The following GRM8 variants were observed in gnomAD, a reference collection of about 807,000 sequenced individuals.
GRM8 encodes the protein metabotropic glutamate receptor 8.
Under a neutral mutation model 87.2 loss-of-function variants are expected in GRM8, and 47 were observed. The ratio of observed to expected loss-of-function variants is 0.54; its 90% CI spans 0.43 to 0.69. The LOEUF is 0.69. GRM8 is among the 30% of genes least tolerant of loss of function. GRM8 has a pLI of 0.00. For missense variants in GRM8, 1,019 were observed against 1,139.2 expected, an observed-to-expected ratio of 0.89 and a Z score of 1.52; for synonymous variants, 396 against 404.5, an observed-to-expected ratio of 0.98 and a Z score of 0.25.
intron 6 of GRM8, among the ~76,000 whole-genome samples, chr7:126,854,825 A>G (rs1289947109): frequency 6.6e-6 from 1 of 152,200 alleles, no homozygotes; most frequent in Non-Finnish European, 1.5e-5. Flanking sequence ...CTATTTTTGC[A>G]TTATCCATAG....
At chr7:127,227,288 G>C (rs937204408) in intron 2 of GRM8, among the ~76,000 whole-genome samples, 4 of 152,178 alleles carry the variant, frequency 2.6e-5, no homozygotes, top group Non-Finnish European at 4.4e-5. Context: ...CCAAGGTACA[G>C]GAGACATGGT....
intron 7 of GRM8, among the ~76,000 whole-genome samples, chr7:126,736,853 TAC>T (rs1814287147): frequency 6.6e-6 from 1 of 152,046 alleles, no homozygotes; most frequent in Admixed American, 6.6e-5. Flanking sequence ...TTCAATAAAA[TAC>T]AGTCTTTCTC....
At chr7:126,595,277 G>T (rs978660203) in intron 8 of GRM8, among the ~76,000 whole-genome samples, 16 of 151,798 alleles carry the variant, frequency 1.1e-4, no homozygotes, top group African/African-American at 3.9e-4. Flanking sequence ...TGTTACCCAG[G>T]TTAGAGTGCA....
chr7:127,104,952 A>C (rs1238572914), intron 3 of GRM8, among the ~76,000 whole-genome samples: 4 of 152,212 alleles, frequency 2.6e-5, no homozygotes, highest in Non-Finnish European at 5.9e-5. Context: ...TTTTTATAGT[A>C]ATCTATCTCA....
At chr7:126,593,204 A>G (rs1024144808) in intron 8 of GRM8, among the ~76,000 whole-genome samples, 1 of 152,058 alleles carries the variant, frequency 6.6e-6, no homozygotes, top group Non-Finnish European at 1.5e-5. Context: ...CTACAATTCA[A>G]TGCAATCCCT....
At position 127,141,592 on chromosome 7, in the gene GRM8, T is replaced by C. The variant is rs952671606; in HGVS notation, c.511-34880A>G. Among the ~76,000 whole-genome samples the C allele has an allele frequency of 2.2e-4, 34 of 152,294 alleles. 1 individual carries two copies. The highest frequency in any genetic ancestry group is 7.9e-4 in the African/African-American group (33 of 41,558). On this transcript the variant is annotated intron_variant, in intron 2 of 10. Transcript: ENST00000339582. Reference sequence around the variant, plus strand: ...TTGTCACACCTATCAAAACACTTAATTGCATCAATTTCTCTACCTCATCTC... The same window carrying C: ...TTGTCACACCTATCAAAACACTTAACTGCATCAATTTCTCTACCTCATCTC...
chr7:126,640,919 G>A (rs2151202190), intron 7 of GRM8, among the ~76,000 whole-genome samples: 1 of 151,932 alleles, frequency 6.6e-6, no homozygotes, highest in South Asian at 2.1e-4. Flanking sequence ...ATACTGCTCG[G>A]TAATATGTCA....
chr7:127,211,748 G>T (rs1247078522), intron 2 of GRM8, among the ~76,000 whole-genome samples: 1 of 152,200 alleles, frequency 6.6e-6, no homozygotes, highest in Admixed American at 6.5e-5. Flanking sequence ...GACACCATCT[G>T]TGGAGCAGAG....
intron 2 of GRM8, among the ~76,000 whole-genome samples, chr7:127,192,493 G>A (rs138691606): frequency 1.3e-5 from 2 of 152,324 alleles, no homozygotes; most frequent in African/African-American, 4.8e-5. Flanking sequence ...GCTCCTGTGT[G>A]TTAATTTATG....
Position 126,445,624 on chromosome 7 carries a change from G to A in GRM8, c.2677+502C>T, listed in dbSNP as rs926729946. 2.5e-4 allele frequency among the ~76,000 whole-genome samples: 38 copies of A among 152,000 alleles called. 1 individual carries two copies. The highest frequency in any genetic ancestry group is 8.9e-4 in the African/African-American group (37 of 41,418). ...AGCCCAAGGAAAGGGGACCACGTGGGAGAAACAAGTATTAACTGTGACTTA... is the reference window on the plus strand; with the variant it reads ...AGCCCAAGGAAAGGGGACCACGTGGAAGAAACAAGTATTAACTGTGACTTA... On this transcript the variant is annotated intron_variant, in intron 10 of 10. Coordinates refer to ENST00000339582, the MANE Select transcript of GRM8 (RefSeq NM_000845.3).
At chr7:126,877,491 G>A (rs1223697416) in intron 6 of GRM8, among the ~76,000 whole-genome samples, 5 of 152,152 alleles carry the variant, frequency 3.3e-5, no homozygotes, top group African/African-American at 4.8e-5. Flanking sequence ...TGGACAGAAC[G>A]TTCATACAAC....
chr7:126,778,559 T>G (rs1413700611), intron 6 of GRM8, among the ~76,000 whole-genome samples: 2 of 152,218 alleles, frequency 1.3e-5, no homozygotes, highest in African/African-American at 4.8e-5. Flanking sequence ...AAAGCCTGTT[T>G]GATTAAATTC....
At chr7:126,832,713 A>G (rs1795512148) in intron 6 of GRM8, among the ~76,000 whole-genome samples, 1 of 152,184 alleles carries the variant, frequency 6.6e-6, no homozygotes, top group Admixed American at 6.5e-5. Context: ...TTCTCAACAG[A>G]ATGTAGAAAC....
chr7:127,122,194 T>A (rs945837940), intron 2 of GRM8, among the ~76,000 whole-genome samples: 11 of 152,196 alleles, frequency 7.2e-5, no homozygotes, highest in African/African-American at 2.7e-4. Context: ...AACTGCTTAC[T>A]AGCGACAGTA....
intron 7 of GRM8, among the ~76,000 whole-genome samples, chr7:126,704,381 T>C (rs138648596): frequency 3.2e-3 from 482 of 152,280 alleles, no homozygotes; most frequent in Non-Finnish European, 5.2e-3. Flanking sequence ...GTCACCTCAG[T>C]ACCCTGTGAT....
At chr7:127,046,482 C>T (rs572360838) in intron 3 of GRM8, among the ~76,000 whole-genome samples, 27 of 152,268 alleles carry the variant, frequency 1.8e-4, no homozygotes, top group African/African-American at 6.0e-4. Flanking sequence ...TCACTGTGGG[C>T]AAGCTCTTTA....
intron 6 of GRM8, among the ~76,000 whole-genome samples, chr7:126,833,154 C>T (rs1289708611): frequency 3.9e-5 from 6 of 152,168 alleles, no homozygotes; most frequent in Admixed American, 2.6e-4. Flanking sequence ...AAATCCAACA[C>T]CTGAGGGTGC....
chr7:126,477,593 A>G (rs370486353), intron 9 of GRM8, among the ~76,000 whole-genome samples: 73 of 65,476 alleles, frequency 1.1e-3, no homozygotes, highest in African/African-American at 3.2e-3. Context: ...GAAAGAAAGA[A>G]AGAAAGAAAG....
chr7:126,899,104 AGTGTGTGTGTGT>A (rs71177573), intron 6 of GRM8, among the ~76,000 whole-genome samples: 1 of 140,312 alleles, frequency 7.1e-6, no homozygotes, highest in Non-Finnish European at 1.5e-5. Flanking sequence ...ACTGGTTAAC[AGTGTGTGTGTGT>A]GTGTGTGTGT....
Sources: gnomAD v4.1 joint callset for allele counts (sites outside exome capture counted in the v4.1 genomes callset) on GRCh38, gnomAD v4.1.1 for gene constraint, MANE v1.5 for transcripts, NCBI Gene and HGNC (gene_info 2026-07-23, HGNC 2026-07-21) for gene names.